The following TMPO variants were observed in gnomAD, a reference collection of about 807,000 sequenced individuals.
The protein encoded by TMPO is LEM domain containing 4.
In TMPO, 22 loss-of-function variants were observed where a neutral mutation model predicts 45.4. The observed-to-expected ratio is 0.48, with a 90% CI of 0.35 to 0.69. TMPO has a LOEUF of 0.69. Ranked by LOEUF, TMPO falls within the 30% of genes least tolerant of loss-of-function variation. The pLI is 0.01. For synonymous variants in TMPO, 241 were observed against 204.1 expected (o/e 1.18, Z -1.54); for missense variants, 512 against 548.8 (o/e 0.93, Z 0.67).
At chr12:98,534,456 G>C (rs1392752681) in intron 3 of TMPO, 40 of 1,552,400 alleles carry the variant, frequency 2.6e-5, no homozygotes, top group Non-Finnish European at 3.1e-5. Context: ...AAAATGTTAA[G>C]CTTCTACCCA....
rs760459470 is a variant in TMPO at position 98,533,397 on chromosome 12, T to C, written c.565+1559T>C. On this transcript the variant is annotated intron_variant, in intron 3 of 8. Transcript: ENST00000556029. ...CACTTGCCCAGGCAATCAGAGATTA[T>C]GTCAATTCTCTGTTGGTCCAGGGTG... is the stretch of plus-strand genomic sequence containing the variant. 3.7e-6 allele frequency: 6 copies of C among 1,614,114 alleles called. No homozygotes were observed. The Admixed American group carries it at 1.0e-4, about 27-fold the overall frequency.
chr12:98,528,595 CT>C (rs757258497), intron 2 of TMPO, among the ~76,000 whole-genome samples: 34 of 151,594 alleles, frequency 2.2e-4, no homozygotes, highest in Non-Finnish European at 3.8e-4. Flanking sequence ...CGTACTTCTG[CT>C]GAGACGTGGG....
chr12:98,528,555 G>A lies in TMPO; in HGVS notation c.406+543G>A, dbSNP rs531244206. Among the ~76,000 whole-genome samples, 462 of 152,204 alleles carry A rather than the reference G, an allele frequency of 3.0e-3. 3 individuals are homozygous for A. The highest frequency in any genetic ancestry group is 0.01 in the African/African-American group (434 of 41,554). Reference sequence around the variant, plus strand: ...GCCTCCCAAAGTGCTGGGATTACAGGTGTGAGCCACCGTGCCTGGCCACTT... The same window carrying A: ...GCCTCCCAAAGTGCTGGGATTACAGATGTGAGCCACCGTGCCTGGCCACTT... On this transcript the variant is annotated intron_variant, in intron 2 of 8. Coordinates refer to ENST00000556029, the MANE Select transcript of TMPO (RefSeq NM_001032283.3).
intron 8 of TMPO, among the ~76,000 whole-genome samples, chr12:98,547,296 A>G (rs1878282669): frequency 6.6e-6 from 1 of 152,120 alleles, no homozygotes; most frequent in South Asian, 2.1e-4. Flanking sequence ...GCTAGTCTTG[A>G]ACTCCTGACC....
At chr12:98,542,938 A>G (rs537562063) in intron 4 of TMPO, among the ~76,000 whole-genome samples, 1 of 152,248 alleles carries the variant, frequency 6.6e-6, no homozygotes, top group South Asian at 2.1e-4. Flanking sequence ...TCTTTTGACA[A>G]TAATTTTGCA....
rs181996808 is a variant in TMPO, at chr12:98,530,752, G to A, written c.407-928G>A. Reference sequence around the variant, plus strand: ...TTAGAGTTGTGGAAATTTAATCATAGTTATTTTTCATAGAGGTACAATCCG... The same window carrying A: ...TTAGAGTTGTGGAAATTTAATCATAATTATTTTTCATAGAGGTACAATCCG... On this transcript the variant is annotated intron_variant, in intron 2 of 8. Transcript: ENST00000556029. Among the ~76,000 whole-genome samples, 54 of 152,222 alleles carry A rather than the reference G, an allele frequency of 3.5e-4. 1 individual carries two copies. The highest frequency in any genetic ancestry group is 1.1e-3 in the African/African-American group (46 of 41,528).
At chr12:98,522,237 A>G (rs917670051) in intron 1 of TMPO, among the ~76,000 whole-genome samples, 1 of 152,148 alleles carries the variant, frequency 6.6e-6, no homozygotes, top group East Asian at 1.9e-4. Flanking sequence ...CTGGTCTTGA[A>G]TTCCTGGCCT....
chr12:98,520,304 T>G (rs573610885), intron 1 of TMPO, among the ~76,000 whole-genome samples: 5 of 147,708 alleles, frequency 3.4e-5, no homozygotes, highest in African/African-American at 1.3e-4. Context: ...CTTCCTTCCT[T>G]CCTTCTGTGT....
At chr12:98,516,695 A>G (rs566360010) in intron 1 of TMPO, among the ~76,000 whole-genome samples, 3 of 152,234 alleles carry the variant, frequency 2.0e-5, no homozygotes, top group South Asian at 2.1e-4. Flanking sequence ...TATGTTTTCT[A>G]GTTTGTTTTA....
chr12:98,515,661 T>G lies in TMPO; in HGVS notation c.-207T>G. 5.8e-6 allele frequency: 6 copies of G among 1,039,700 alleles called. No homozygotes were observed. The highest frequency in any genetic ancestry group is 1.6e-5 in the African/African-American group (1 of 62,218). The allele number at this position is 1,039,700 out of a possible 1,614,324, so 64.4% of individuals were successfully genotyped here. On this transcript the variant is annotated 5_prime_UTR_variant, in exon 1 of 9. Coordinates refer to ENST00000556029, the MANE Select transcript of TMPO (RefSeq NM_001032283.3). Reference sequence around the variant, plus strand: ...GTGCGAGCTTCCAGCTTGGCCGCAGTTGGTTCGTAGTTCGGCTCTGGGGTC... The same window carrying G: ...GTGCGAGCTTCCAGCTTGGCCGCAGGTGGTTCGTAGTTCGGCTCTGGGGTC...
Position 98,527,897 on chromosome 12 carries a change from AAAAAC to A in TMPO, c.292_296del (p.Lys98Ter). The stretch of plus-strand genomic sequence containing the variant: ...GACTTTGTTTACAGAAAGCCACAAA[AAAAAC>A]TGATAAACCCAGACAAGAAGATAAA... On this transcript the variant is annotated frameshift_variant, in exon 2 of 9. Transcript: ENST00000556029. LOFTEE classifies it high-confidence loss of function. 6.2e-7 allele frequency: 1 copy of A among 1,613,878 alleles called. No homozygotes were observed. The highest frequency in any genetic ancestry group is 8.5e-7 in the Non-Finnish European group (1 of 1,179,910).
chr12:98,528,065 A>T (rs1433207961), intron 2 of TMPO, 53 bp downstream of exon 2: 1 of 1,607,938 alleles, frequency 6.2e-7, no homozygotes, highest in African/African-American at 1.3e-5. Context: ...CAGGACCCCA[A>T]ATTATTTTCT....
At chr12:98,522,232 C>CT (rs1374596419) in intron 1 of TMPO, among the ~76,000 whole-genome samples, 2 of 152,136 alleles carry the variant, frequency 1.3e-5, no homozygotes, top group African/African-American at 2.4e-5. Context: ...CCAGGCTGGT[C>CT]TTGAATTCCT....
chr12:98,527,775 T>A (rs1010283359), intron 1 of TMPO, 111 bp from the exon 2 acceptor site: 1 of 1,257,296 alleles, frequency 8.0e-7, no homozygotes, highest in African/African-American at 1.5e-5. Flanking sequence ...AGGCCTAATA[T>A]TACTATAAAC....
intron 1 of TMPO, among the ~76,000 whole-genome samples, chr12:98,527,153 T>C (rs987400629): frequency 1.7e-4 from 26 of 151,842 alleles, no homozygotes; most frequent in African/African-American, 5.8e-4. Context: ...TTCATGCTGA[T>C]CTGTTTCCGT....
intron 3 of TMPO, chr12:98,535,634 G>A (rs1211921956): frequency 3.0e-6 from 3 of 985,318 alleles, no homozygotes; most frequent in African/African-American, 1.7e-5. Context: ...TTTGAACAGT[G>A]TTGTGTGGTC....
At chr12:98,546,957 A>C (rs947436913) in intron 8 of TMPO, among the ~76,000 whole-genome samples, 9 of 152,192 alleles carry the variant, frequency 5.9e-5, no homozygotes, top group African/African-American at 2.2e-4. Context: ...AACACAGCCA[A>C]AACTGTTTTG....
chr12:98,546,547 G>A, intron 8 of TMPO, 100 bp downstream of exon 8: 1 of 1,029,674 alleles, frequency 9.7e-7, no homozygotes, highest in Non-Finnish European at 1.5e-6. Context: ...TCAGAATTAA[G>A]CTGTTTTTTT....
chr12:98,540,836 C>G (rs537615666), intron 4 of TMPO, among the ~76,000 whole-genome samples: 1 of 152,110 alleles, frequency 6.6e-6, no homozygotes, highest in African/African-American at 2.4e-5. Context: ...CCTGTTACAT[C>G]GTTTTAGGAG....
Sources: gnomAD v4.1 joint callset for allele counts (sites outside exome capture counted in the v4.1 genomes callset) on GRCh38, gnomAD v4.1.1 for gene constraint, MANE v1.5 for transcripts, NCBI Gene and HGNC (gene_info 2026-07-23, HGNC 2026-07-21) for gene names.